The following HDGFL2 variants were observed in gnomAD, a reference collection of about 807,000 sequenced individuals.
HDGFL2 encodes HDGF like 2, also known as hepatoma-derived growth factor-related protein 2.
HDGFL2 carries 36 observed loss-of-function variants against 77.1 expected under a neutral mutation model. That is an observed-to-expected ratio of 0.47 (90% confidence interval 0.36 to 0.62). The LOEUF (loss-of-function observed/expected upper bound fraction) is 0.62. Among genes scored for constraint, HDGFL2 ranks in the 20% least tolerant of loss-of-function variants. The pLI is 0.00. For synonymous variants in HDGFL2, 463 were observed against 413.1 expected (o/e 1.12, Z -1.46); for missense variants, 976 against 973.4 (o/e 1.00, Z -0.04).
intron 10 of HDGFL2, among the ~76,000 whole-genome samples, chr19:4,496,637 G>A (rs1226076512): frequency 6.6e-6 from 1 of 152,132 alleles, no homozygotes; most frequent in Non-Finnish European, 1.5e-5. Context: ...CAGAGACACG[G>A]CCACGTCCGG....
intron 10 of HDGFL2, 152 bp downstream of exon 10, chr19:4,496,557 G>A (rs962152740): frequency 1.2e-5 from 8 of 666,678 alleles, no homozygotes; most frequent in African/African-American, 1.8e-5. Context: ...TGTGGGCTGC[G>A]TAGGAATCGC....
Position 4,496,419 on chromosome 19 carries a change from T to C in HDGFL2, c.1328+14T>C, listed in dbSNP as rs764129718. ...GCAACAAGCCAAGTGAGCCCTGCTC[T>C]GCCCCTCCACACCCTGGGGGCCCCG... is the stretch of plus-strand genomic sequence containing the variant. On this transcript the variant is annotated intron_variant, in intron 10 of 15. Transcript: ENST00000616600. The C allele has an allele frequency of 4.4e-6, 7 of 1,607,908 alleles. No homozygotes were observed. The Admixed American group carries it at 1.2e-4, about 27-fold the overall frequency.
At chr19:4,499,929 A>G (rs1311538839) in intron 14 of HDGFL2, among the ~76,000 whole-genome samples, 1 of 152,202 alleles carries the variant, frequency 6.6e-6, no homozygotes, top group South Asian at 2.1e-4. Context: ...CATGCAGGTA[A>G]CTTGGGGCTC....
chr19:4,493,913 T>C (rs767104002), intron 7 of HDGFL2, 51 bp downstream of exon 7: 1 of 1,532,144 alleles, frequency 6.5e-7, no homozygotes, highest in Non-Finnish European at 8.8e-7. Flanking sequence ...GCCGGGGCGC[T>C]CCCAGGCAGT....
At chr19:4,489,627 C>T (rs1975456424) in intron 4 of HDGFL2, among the ~76,000 whole-genome samples, 1 of 152,122 alleles carries the variant, frequency 6.6e-6, no homozygotes, top group Non-Finnish European at 1.5e-5. Context: ...TGGTCTTGAT[C>T]TCCTGACCTC....
At chr19:4,493,126 G>T (rs1439889280) in intron 6 of HDGFL2, among the ~76,000 whole-genome samples, 14 of 125,668 alleles carry the variant, frequency 1.1e-4, no homozygotes, top group South Asian at 2.7e-4. Flanking sequence ...TCTGTGTGTG[G>T]TGTGTGTGTT....
chr19:4,501,642 T>A, intron 15 of HDGFL2: 1 of 476,318 alleles, frequency 2.1e-6, no homozygotes, highest in Non-Finnish European at 3.7e-6. Flanking sequence ...CCTGTGCCCA[T>A]CACTGTGGGC....
rs937446115 is a variant in HDGFL2, at chr19:4,501,914, C to G, written c.1920C>G (p.Ser640Arg). The G allele has an allele frequency of 1.4e-6, 2 of 1,457,084 alleles. No individual in the cohort carries two copies. The highest frequency in any genetic ancestry group is 1.8e-6 in the Non-Finnish European group (2 of 1,109,418). 90.3% of individuals were successfully genotyped at this position (1,457,084 alleles called of 1,614,324 possible). ...CCGCCTTTGCTGTTCCCACCAGCAG[C>G]GTACGGGAGGGTCCCGACCTGGACA... ...RCGSSEDLHD[S>R]VREGPDLDRP... Residue 640 changes from serine (S) to arginine (R), a missense_variant, in exon 16 of 16, where the codon AGC becomes AGG. Physicochemically the swap from Ser to Arg is moderately radical, Grantham distance 110. Coordinates refer to ENST00000616600, the MANE Select transcript of HDGFL2 (RefSeq NM_001001520.3).
intron 3 of HDGFL2, among the ~76,000 whole-genome samples, chr19:4,475,933 A>C (rs1361534634): frequency 1.3e-5 from 2 of 149,620 alleles, no homozygotes; most frequent in Non-Finnish European, 3.0e-5. Context: ...TCTGTTGTCC[A>C]GGATGGAGTG....
At chr19:4,493,440 G>A (rs1277313106) in intron 6 of HDGFL2, among the ~76,000 whole-genome samples, 1 of 152,066 alleles carries the variant, frequency 6.6e-6, no homozygotes, top group Non-Finnish European at 1.5e-5. Flanking sequence ...TGGGAAACCC[G>A]GGCTTCTGAT....
intron 3 of HDGFL2, among the ~76,000 whole-genome samples, chr19:4,484,145 G>A (rs1228078507): frequency 3.5e-5 from 5 of 142,308 alleles, no homozygotes; most frequent in Non-Finnish European, 7.5e-5. Flanking sequence ...GTGCAGTGGT[G>A]TGATTTCAGC....
rs773108885 is a variant in HDGFL2 at position 4,501,420 on chromosome 19, T to C, written c.1916+103T>C. The C allele has an allele frequency of 1.5e-5, 20 of 1,367,402 alleles. No homozygotes were observed. The Admixed American group carries it at 2.8e-4, about 19-fold the overall frequency. 84.7% of individuals were successfully genotyped at this position (1,367,402 alleles called of 1,614,324 possible). On this transcript the variant is annotated intron_variant, in intron 15 of 15. Transcript: ENST00000616600. ...CCTGTGCCAGTCCCTCTGGGATGGG[T>C]CCCAGGGATGTCGTCCTTACTCGGG...
In HDGFL2 at chr19:4,497,992, G is replaced by C; in HGVS notation, c.1363G>C (p.Glu455Gln). 1 of 1,556,564 alleles carries C rather than the reference G, an allele frequency of 6.4e-7. No homozygotes were observed. ...VKVERTRKRS[E>Q]GFSMDRKVEK... ...GGTGGAGCGGACCCGGAAGCGGTCC[G>C]AGGGCTTCTCGATGGACAGGAAGGT... is the stretch of plus-strand genomic sequence containing the variant. The change falls in exon 11 of 16, where the codon GAG becomes CAG. Residue 455 changes from glutamate (E) to glutamine (Q), a missense_variant. Glu to Gln is a conservative substitution (Grantham distance 29). Transcript: ENST00000616600.
intron 9 of HDGFL2, among the ~76,000 whole-genome samples, chr19:4,495,385 CAAAAAAAAAAAAA>C (rs747305046): frequency 3.3e-4 from 18 of 54,234 alleles, no homozygotes; most frequent in Non-Finnish European, 4.8e-4. Flanking sequence ...GACTCCATCT[CAAAAAAAAAAAAA>C]AAAAAAAAAA....
chr19:4,485,553 A>C (rs1381863932), intron 3 of HDGFL2, among the ~76,000 whole-genome samples: 1 of 151,638 alleles, frequency 6.6e-6, no homozygotes, highest in Non-Finnish European at 1.5e-5. Flanking sequence ...CCTGGCTAAC[A>C]CAGTGAAACC....
intron 4 of HDGFL2, among the ~76,000 whole-genome samples, chr19:4,491,042 T>C (rs1975493261): frequency 1.3e-5 from 2 of 152,182 alleles, no homozygotes; most frequent in South Asian, 2.1e-4. Context: ...ACTCCCGACC[T>C]CAGGTGATCT....
chr19:4,500,669 T>C (rs1975844351), intron 14 of HDGFL2, among the ~76,000 whole-genome samples: 1 of 152,126 alleles, frequency 6.6e-6, no homozygotes, highest in Non-Finnish European at 1.5e-5. Flanking sequence ...CACCGTGTTA[T>C]CCAGGATGGT....
chr19:4,501,268 CG>C lies in HDGFL2; in HGVS notation c.1870del (p.Asp624ThrfsTer104). Reference sequence around the variant, plus strand: ...AGAGGACAAGGAGCACGAGGAGGGTCGGGACTCGGAGGAGGGGCCAAGGTGT... The same window carrying C: ...AGAGGACAAGGAGCACGAGGAGGGTCGGACTCGGAGGAGGGGCCAAGGTGT... ...SAEDKEHEEG[R>X]DSEEGPRCGS... On this transcript the variant is annotated frameshift_variant, in exon 15 of 16. Coordinates refer to ENST00000616600, the MANE Select transcript of HDGFL2 (RefSeq NM_001001520.3). LOFTEE classifies it low-confidence loss of function (END_TRUNC). 1 of 1,612,870 alleles carries C rather than the reference CG, an allele frequency of 6.2e-7. No individual in the cohort carries two copies. Among genetic ancestry groups the C allele is most frequent in the Non-Finnish European group, 8.5e-7 (1 of 1,179,428 alleles).
intron 9 of HDGFL2, 80 bp from the exon 10 acceptor site, chr19:4,496,222 C>A: frequency 8.6e-7 from 1 of 1,167,286 alleles, no homozygotes; most frequent in Non-Finnish European, 1.3e-6. Context: ...CGAGCTGCAT[C>A]TCCTGGTAGT....
Sources: gnomAD v4.1 joint callset for allele counts (sites outside exome capture counted in the v4.1 genomes callset) on GRCh38, gnomAD v4.1.1 for gene constraint, MANE v1.5 for transcripts, NCBI Gene and HGNC (gene_info 2026-07-23, HGNC 2026-07-21) for gene names.